The following PDE7A variants were observed in gnomAD, a reference collection of about 807,000 sequenced individuals.
PDE7A encodes the protein phosphodiesterase 7A, also known as high affinity 3',5'-cyclic-AMP phosphodiesterase 7A.
In PDE7A, 39 loss-of-function variants were observed where a neutral mutation model predicts 64.3. The observed-to-expected ratio is 0.61, with a 90% CI of 0.47 to 0.79. The LOEUF (loss-of-function observed/expected upper bound fraction) is 0.79, where lower values mean the gene tolerates loss of function less well. PDE7A is among the 30% of genes least tolerant of loss of function. PDE7A has a pLI of 0.00. For missense variants in PDE7A, 470 were observed against 582.8 expected, an observed-to-expected ratio of 0.81 and a Z score of 1.99; for synonymous variants, 203 against 206.8, an observed-to-expected ratio of 0.98 and a Z score of 0.16.
intron 3 of PDE7A, among the ~76,000 whole-genome samples, chr8:65,751,193 A>C (rs1169578727): frequency 6.6e-6 from 1 of 152,242 alleles, no homozygotes; most frequent in East Asian, 1.9e-4. Context: ...AAGAATGAAA[A>C]TCCCACGAGA....
rs1430631534 is a variant in PDE7A at position 65,841,844 on chromosome 8, G to A, written c.-336C>T. On this transcript the variant is annotated 5_prime_UTR_variant, in exon 1 of 13. Transcript: ENST00000401827. ...TGGGGCTCCTCGGCCGAGAGGAGCA[G>A]GTACCCGGACTGCAGAGTTCGAGCG... 1.3e-5 allele frequency: 2 copies of A among 156,884 alleles called. No individual in the cohort carries two copies. The highest frequency in any genetic ancestry group is 1.7e-4 in the South Asian group (1 of 5,840). 9.7% of individuals were successfully genotyped at this position (156,884 alleles called of 1,614,324 possible).
At chr8:65,812,504 T>G (rs1810280373) in intron 1 of PDE7A, among the ~76,000 whole-genome samples, 1 of 152,100 alleles carries the variant, frequency 6.6e-6, no homozygotes, top group African/African-American at 2.4e-5. Flanking sequence ...AAGTATTATC[T>G]TGAAGTAGTA....
chr8:65,838,353 T>C (rs954279805), intron 1 of PDE7A: 3 of 152,208 alleles, frequency 2.0e-5, no homozygotes, highest in Non-Finnish European at 4.4e-5. Flanking sequence ...ACAATAGATA[T>C]CCAAAAACGA....
At chr8:65,780,346 T>C (rs762217884) in intron 2 of PDE7A, among the ~76,000 whole-genome samples, 32 of 152,212 alleles carry the variant, frequency 2.1e-4, no homozygotes, top group Non-Finnish European at 1.9e-4. Flanking sequence ...GTGTAAAAAC[T>C]TAAAATGTTA....
intron 1 of PDE7A, among the ~76,000 whole-genome samples, chr8:65,801,536 G>A (rs565625702): frequency 5.9e-5 from 9 of 151,868 alleles, no homozygotes; most frequent in African/African-American, 2.2e-4. Flanking sequence ...CCAAAGTATA[G>A]AGCACCCCCC....
At chr8:65,727,514 C>T in intron 7 of PDE7A, 2 of 493,906 alleles carry the variant, frequency 4.0e-6, no homozygotes, top group Non-Finnish European at 6.9e-6. Flanking sequence ...CAACAGTGGC[C>T]CTGCCCATGT....
At chr8:65,774,502 T>C (rs886254496) in intron 3 of PDE7A, among the ~76,000 whole-genome samples, 1 of 152,060 alleles carries the variant, frequency 6.6e-6, no homozygotes, top group Non-Finnish European at 1.5e-5. Flanking sequence ...CTCTAACATA[T>C]TGGTTCTCAG....
At chr8:65,816,125 TTC>T (rs560681563) in intron 1 of PDE7A, among the ~76,000 whole-genome samples, 18 of 151,790 alleles carry the variant, frequency 1.2e-4, no homozygotes, top group African/African-American at 4.4e-4. Context: ...TTTAGCTCTT[TTC>T]TCAGTTTTAA....
intron 1 of PDE7A, among the ~76,000 whole-genome samples, chr8:65,793,589 G>A (rs563972910): frequency 5.9e-5 from 9 of 151,798 alleles, no homozygotes; most frequent in Non-Finnish European, 1.3e-4. Context: ...AATCAAGGAT[G>A]CTCCACTATC....
At position 65,739,560 on chromosome 8, in the gene PDE7A, A is replaced by C. The variant is rs1807312788; in HGVS notation, c.537T>G (p.Ser179Arg). 1.3e-6 allele frequency: 2 copies of C among 1,562,164 alleles called. No homozygotes were observed. Among genetic ancestry groups the C allele is most frequent in the African/African-American group, 2.8e-5 (2 of 72,464 alleles). The change falls in exon 6 of 13, where the codon AGT becomes AGG. Residue 179 changes from serine (S) to arginine (R), a missense_variant. Physicochemically the swap from Ser to Arg is moderately radical, Grantham distance 110. Coordinates refer to ENST00000401827, the MANE Select transcript of PDE7A (RefSeq NM_001242318.3). ...SLVSLTFHLF[S>R]LHGLIEYFHL... ...GGAAGTACTCAATTAATCCATGAAG[A>C]CTAAATAAATGAAAGGTTAAGCTTA...
intron 5 of PDE7A, among the ~76,000 whole-genome samples, chr8:65,741,095 C>T (rs1219223060): frequency 6.6e-6 from 1 of 152,158 alleles, no homozygotes; most frequent in African/African-American, 2.4e-5. Context: ...GTGTAACTCT[C>T]CATTTTTTAT....
chr8:65,730,087 G>A (rs1266425883), intron 7 of PDE7A, among the ~76,000 whole-genome samples: 1 of 150,798 alleles, frequency 6.6e-6, no homozygotes, highest in Non-Finnish European at 1.5e-5. Context: ...TATTGCCTGA[G>A]CTCTGCCTTG....
chr8:65,788,054 C>T (rs879565248), intron 1 of PDE7A, among the ~76,000 whole-genome samples: 9 of 151,932 alleles, frequency 5.9e-5, no homozygotes, highest in Admixed American at 3.3e-4. Context: ...TATGTTTAAA[C>T]GTGGAAAATT....
chr8:65,785,027 A>T (rs1006080618), intron 1 of PDE7A, among the ~76,000 whole-genome samples: 2 of 152,146 alleles, frequency 1.3e-5, no homozygotes, highest in African/African-American at 2.4e-5. Context: ...AAATTTACTG[A>T]AAGCCCTCAC....
intron 1 of PDE7A, among the ~76,000 whole-genome samples, chr8:65,812,717 G>A (rs1259234775): frequency 6.6e-6 from 1 of 152,130 alleles, no homozygotes; most frequent in Non-Finnish European, 1.5e-5. Context: ...ATAATGGCCA[G>A]ATACGTATTT....
intron 1 of PDE7A, among the ~76,000 whole-genome samples, chr8:65,827,065 T>C (rs1253508731): frequency 6.6e-6 from 1 of 152,164 alleles, no homozygotes; most frequent in East Asian, 1.9e-4. Flanking sequence ...CAAAGACCCT[T>C]ACTCCAAATA....
At chr8:65,753,979 T>G (rs1254160180) in intron 3 of PDE7A, among the ~76,000 whole-genome samples, 1 of 152,168 alleles carries the variant, frequency 6.6e-6, no homozygotes, top group Non-Finnish European at 1.5e-5. Flanking sequence ...GTATGTTATA[T>G]TAGGGTTCTC....
At chr8:65,749,397 T>C (rs751432406) in intron 3 of PDE7A, among the ~76,000 whole-genome samples, 15 of 152,226 alleles carry the variant, frequency 9.9e-5, no homozygotes, top group Non-Finnish European at 1.8e-4. Context: ...TGTTATGTGA[T>C]TTACTTCTCC....
At chr8:65,801,817 A>C (rs554340465) in intron 1 of PDE7A, among the ~76,000 whole-genome samples, 1 of 152,324 alleles carries the variant, frequency 6.6e-6, no homozygotes, top group East Asian at 1.9e-4. Flanking sequence ...AAGGAACTCT[A>C]ACTAGAACAG....
Sources: gnomAD v4.1 joint callset for allele counts (sites outside exome capture counted in the v4.1 genomes callset) on GRCh38, gnomAD v4.1.1 for gene constraint, MANE v1.5 for transcripts, NCBI Gene and HGNC (gene_info 2026-07-23, HGNC 2026-07-21) for gene names.